Variants in ROBO2 observed in about 807,000 individuals in gnomAD.
ROBO2 encodes the protein roundabout guidance receptor 2.
A neutral mutation model predicts 160.8 loss-of-function variants in ROBO2; 53 were observed. The ratio of observed to expected loss-of-function variants is 0.33; its 90% CI spans 0.26 to 0.41. ROBO2 has a LOEUF of 0.41. Among genes scored for constraint, ROBO2 ranks in the 10% least tolerant of loss-of-function variants. The pLI is 1.00. For missense variants in ROBO2, 1,577 were observed against 1,722.4 expected, an observed-to-expected ratio of 0.92 and a Z score of 1.49; for synonymous variants, 664 against 611.7, an observed-to-expected ratio of 1.09 and a Z score of -1.26.
intron 2 of ROBO2, among the ~76,000 whole-genome samples, chr3:76,231,656 AT>A (rs1382093050): frequency 2.6e-5 from 4 of 152,152 alleles, no homozygotes; most frequent in Non-Finnish European, 5.9e-5. Flanking sequence ...TGACTTTATT[AT>A]TTAATAAACA....
In ROBO2 at chr3:76,819,664, T is replaced by C. The variant is rs188948826; in HGVS notation, c.110-278350T>C. Among the ~76,000 whole-genome samples the C allele has an allele frequency of 6.6e-5, 10 of 152,198 alleles. No homozygotes were observed. The East Asian group carries it at 1.9e-3, about 29-fold the overall frequency. On this transcript the variant is annotated intron_variant, in intron 2 of 26. Transcript: ENST00000487694. ...GGATTGTTGTGATTCTTTTTAAACCTCTAGGCTAGTCGGTCAACCTCCGTA... is the reference window on the plus strand; with the variant it reads ...GGATTGTTGTGATTCTTTTTAAACCCCTAGGCTAGTCGGTCAACCTCCGTA...
chr3:76,834,067 TTTC>T (rs1414384910), intron 2 of ROBO2, among the ~76,000 whole-genome samples: 14 of 100,922 alleles, frequency 1.4e-4, no homozygotes, highest in African/African-American at 3.7e-4. Context: ...CTTTCTTTTC[TTTC>T]TTTCTTTCTT....
chr3:76,446,651 C>T lies in ROBO2; in HGVS notation c.109+509049C>T, dbSNP rs1339155066. On this transcript the variant is annotated intron_variant, in intron 2 of 26. Transcript: ENST00000487694. ...CCTGACTTCAAACTATACTACAAGG[C>T]TGCAGTAACCAAAGCAGCATGGTAC... is the stretch of plus-strand genomic sequence containing the variant. Among the ~76,000 whole-genome samples the T allele has an allele frequency of 2.0e-5, 3 of 152,156 alleles. No individual in the cohort carries two copies. In the East Asian group the frequency reaches 5.8e-4, roughly 29 times the overall value.
intron 2 of ROBO2, among the ~76,000 whole-genome samples, chr3:76,249,768 G>A (rs1224212187): frequency 1.3e-5 from 2 of 152,094 alleles, no homozygotes; most frequent in Admixed American, 6.6e-5. Context: ...TGGAATGAGA[G>A]AGAGGAATAT....
chr3:76,468,726 T>G (rs975104936), intron 2 of ROBO2, among the ~76,000 whole-genome samples: 1 of 152,060 alleles, frequency 6.6e-6, no homozygotes, highest in Non-Finnish European at 1.5e-5. Flanking sequence ...TACCTAGTTT[T>G]TCTCTCCCAT....
chr3:76,607,961 G>C (rs1465056794), intron 2 of ROBO2, among the ~76,000 whole-genome samples: 1 of 152,150 alleles, frequency 6.6e-6, no homozygotes, highest in African/African-American at 2.4e-5. Flanking sequence ...CTTGCTTCCA[G>C]GTGTTTCTAC....
intron 2 of ROBO2, among the ~76,000 whole-genome samples, chr3:77,441,435 C>G (rs1026902345): frequency 6.6e-6 from 1 of 151,506 alleles, no homozygotes; most frequent in Admixed American, 6.6e-5. Flanking sequence ...AAATAATACA[C>G]AAGAAAAATG....
chr3:77,232,878 G>A (rs1287506080), intron 2 of ROBO2, among the ~76,000 whole-genome samples: 1 of 152,060 alleles, frequency 6.6e-6, no homozygotes, highest in Non-Finnish European at 1.5e-5. Flanking sequence ...GTAGATTTTG[G>A]TTGCCTCATC....
intron 2 of ROBO2, among the ~76,000 whole-genome samples, chr3:76,393,802 A>G (rs1444393881): frequency 6.6e-6 from 1 of 152,184 alleles, no homozygotes; most frequent in Non-Finnish European, 1.5e-5. Flanking sequence ...CTCAGCATGA[A>G]TCATACAGCA....
intron 2 of ROBO2, among the ~76,000 whole-genome samples, chr3:76,220,750 C>T (rs182446677): frequency 6.6e-6 from 1 of 150,822 alleles, no homozygotes; most frequent in East Asian, 1.9e-4. Context: ...TTGATGAAAA[C>T]ACACACACAC....
intron 2 of ROBO2, among the ~76,000 whole-genome samples, chr3:76,268,766 T>C (rs1707249268): frequency 1.3e-5 from 2 of 152,270 alleles, no homozygotes; most frequent in African/African-American, 4.8e-5. Context: ...AATTTAATAG[T>C]TTTTTAAAGC....
intron 4 of ROBO2, among the ~76,000 whole-genome samples, chr3:77,482,105 A>G (rs541527964): frequency 6.6e-6 from 1 of 152,312 alleles, no homozygotes; most frequent in Non-Finnish European, 1.5e-5. Flanking sequence ...ACACATATGT[A>G]TGTATGTGTA....
At chr3:77,332,264 C>T (rs1361267945) in intron 2 of ROBO2, among the ~76,000 whole-genome samples, 1 of 152,192 alleles carries the variant, frequency 6.6e-6, no homozygotes, top group East Asian at 1.9e-4. Flanking sequence ...TCATTGGAAC[C>T]TTTTGTGACC....
chr3:77,516,626 A>G (rs2090048707), intron 5 of ROBO2, among the ~76,000 whole-genome samples: 1 of 151,650 alleles, frequency 6.6e-6, no homozygotes. Flanking sequence ...TAATGATAAT[A>G]TGTAAACCAT....
intron 2 of ROBO2, among the ~76,000 whole-genome samples, chr3:76,591,496 A>G (rs1165527784): frequency 6.6e-6 from 1 of 152,116 alleles, no homozygotes; most frequent in Non-Finnish European, 1.5e-5. Flanking sequence ...ATTTTTATAG[A>G]AGTTACTGAA....
intron 13 of ROBO2, among the ~76,000 whole-genome samples, chr3:77,574,078 A>G (rs1338438840): frequency 1.3e-5 from 2 of 152,026 alleles, no homozygotes; most frequent in Non-Finnish European, 2.9e-5. Context: ...AAGAATGAGA[A>G]TGGAAATCCC....
chr3:76,789,729 T>C (rs560324510), intron 2 of ROBO2, among the ~76,000 whole-genome samples: 13 of 151,798 alleles, frequency 8.6e-5, no homozygotes, highest in African/African-American at 3.1e-4. Context: ...AAATTGAAAC[T>C]TGATTTTTCC....
intron 2 of ROBO2, among the ~76,000 whole-genome samples, chr3:76,570,193 A>G (rs1396298606): frequency 2.0e-5 from 3 of 152,168 alleles, no homozygotes; most frequent in Non-Finnish European, 2.9e-5. Flanking sequence ...TTGGTCAACT[A>G]CTGATAGCCA....
chr3:76,215,055 CT>C (rs2107349684), intron 2 of ROBO2, among the ~76,000 whole-genome samples: 1 of 152,300 alleles, frequency 6.6e-6, no homozygotes, highest in Admixed American at 6.5e-5. Flanking sequence ...AAAACAGGGT[CT>C]GGAGTGGACC....
Sources: allele counts gnomAD v4.1 joint callset (sites outside exome capture counted in the v4.1 genomes callset), GRCh38; gene constraint gnomAD v4.1.1; transcripts MANE v1.5; gene names NCBI Gene and HGNC (gene_info 2026-07-23, HGNC 2026-07-21).